The following MLN variants were observed in gnomAD, a reference collection of about 807,000 sequenced individuals.
The protein encoded by MLN is promotilin.
Under a neutral mutation model 13.3 loss-of-function variants are expected in MLN, and 14 were observed. That is an observed-to-expected ratio of 1.05 (90% CI 0.69 to 1.64). The LOEUF (loss-of-function observed/expected upper bound fraction) is 1.64, where lower values mean the gene tolerates loss of function less well. Among genes scored for constraint, MLN ranks in the 40% most tolerant of loss-of-function variants. The pLI, the probability that MLN is intolerant of heterozygous loss-of-function variation, is 0.00. For missense variants in MLN, 122 were observed against 142.9 expected, an observed-to-expected ratio of 0.85 and a Z score of 0.75; for synonymous variants, 59 against 54.7, an observed-to-expected ratio of 1.08 and a Z score of -0.34.
intron 3 of MLN, among the ~76,000 whole-genome samples, chr6:33,797,443 A>G (rs192066074): frequency 6.6e-6 from 1 of 152,294 alleles, no homozygotes; most frequent in African/African-American, 2.4e-5. Context: ...TGGATGCCCA[A>G]GAGCATCTCG....
chr6:33,800,212 A>T (rs368896887), intron 2 of MLN, among the ~76,000 whole-genome samples: 5 of 152,122 alleles, frequency 3.3e-5, no homozygotes, highest in African/African-American at 1.2e-4. Context: ...ATTCATCCCT[A>T]TTGGAGTCTC....
At chr6:33,801,400 C>A (rs1561935799) in intron 1 of MLN, among the ~76,000 whole-genome samples, 4 of 152,220 alleles carry the variant, frequency 2.6e-5, no homozygotes, top group Non-Finnish European at 5.9e-5. Context: ...TGGGAAAGGC[C>A]ATCCAGCTCC....
At chr6:33,800,293 C>T (rs900379171) in intron 2 of MLN, among the ~76,000 whole-genome samples, 39 of 152,216 alleles carry the variant, frequency 2.6e-4, no homozygotes, top group African/African-American at 8.2e-4. Context: ...CAAACATCTG[C>T]ATAGATACTC....
In MLN at chr6:33,799,102, C is replaced by T; in HGVS notation, c.234+3G>A. 1 of 1,593,524 alleles carries T rather than the reference C, an allele frequency of 6.3e-7. No homozygotes were observed. On this transcript the variant is annotated splice_donor_region_variant and intron_variant, in intron 3 of 4. Transcript: ENST00000430124. This position sits in a 1 kb window ranked among gnomAD's most constrained non-coding sequence, Gnocchi z 4.6. ...CTCTCCTTTGTCCCAGTTGTCTGCT[C>T]ACCTTGATCATTTCGTTTTCTTCTT... is the stretch of plus-strand genomic sequence containing the variant.
rs1561932858 is a variant in MLN at position 33,795,490 on chromosome 6, GC to G, written c.337+12del. 3 of 1,551,628 alleles carry G rather than the reference GC, an allele frequency of 1.9e-6. No individual in the cohort carries two copies. The highest frequency in any genetic ancestry group is 2.6e-6 in the Non-Finnish European group (3 of 1,145,742). On this transcript the variant is annotated intron_variant, in intron 4 of 4. Transcript: ENST00000430124. ...GGCCGGCCAAGCCACAGAGATGCCC[GC>G]CCTCCCCGTACCATGCTGGGGAAGC... is the stretch of plus-strand genomic sequence containing the variant.
intron 1 of MLN, among the ~76,000 whole-genome samples, chr6:33,801,577 C>T (rs894514580): frequency 2.6e-5 from 4 of 152,198 alleles, no homozygotes; most frequent in Non-Finnish European, 5.9e-5. Flanking sequence ...AGAGAGACCT[C>T]CCTGCCCCAG....
At chr6:33,795,959 C>CT (rs5875463) in intron 3 of MLN, among the ~76,000 whole-genome samples, 16,315 of 121,738 alleles carry the variant, frequency 0.13, 1,517 homozygotes, top group Middle Eastern at 0.23. Flanking sequence ...TTATTCTAAG[C>CT]TTTTTTTTTT....
At chr6:33,795,808 T>A (rs775723873) in intron 3 of MLN, among the ~76,000 whole-genome samples, 5 of 151,926 alleles carry the variant, frequency 3.3e-5, no homozygotes, top group Non-Finnish European at 5.9e-5. Flanking sequence ...TGAGTCCTGC[T>A]GAGGGGATCA....
Position 33,795,549 on chromosome 6 carries a change from G to T in MLN, c.291C>A (p.Tyr97Ter). ...TCAGCAGCCCTTCCAGGGTGGCCGG[G>T]TACTTTTCCAGCTGTCTGGAGTTCA... is the stretch of plus-strand genomic sequence containing the variant. ...MRMNSRQLEK[Y>*]PATLEGLLSE... The change falls in exon 4 of 5, where the codon TAC becomes TAA. Residue 97 changes from tyrosine (Y) to a stop codon, truncating the protein, a stop_gained. Transcript: ENST00000430124. LOFTEE classifies it low-confidence loss of function (END_TRUNC). 6.4e-7 allele frequency: 1 copy of T among 1,567,750 alleles called. No homozygotes were observed.
Position 33,795,623 on chromosome 6 carries a change from G to A in MLN, c.235-18C>T, listed in dbSNP as rs745821211. ...GCAGTCAGCTGTGAAATAAGGCAGC[G>A]TTAACAACGAGGGAGAGGTGGAGAG... On this transcript the variant is annotated intron_variant, in intron 3 of 4. Transcript: ENST00000430124. 1.5e-4 allele frequency: 235 copies of A among 1,549,440 alleles called. No homozygotes were observed. Among genetic ancestry groups the A allele is most frequent in the Non-Finnish European group, 2.0e-4 (227 of 1,144,618 alleles).
In MLN at chr6:33,803,056, A is replaced by G. The variant is rs1760881431; in HGVS notation, c.-8+897T>C. 6.6e-6 allele frequency among the ~76,000 whole-genome samples: 1 copy of G among 152,220 alleles called. No individual in the cohort carries two copies. The highest frequency in any genetic ancestry group is 2.4e-5 in the African/African-American group (1 of 41,458). On this transcript the variant is annotated intron_variant, in intron 1 of 4. Transcript: ENST00000430124. This position sits in a 1 kb window ranked among gnomAD's most constrained non-coding sequence, Gnocchi z 4.5. ...TTCTCATTTTCTTGATCCAACTGGCAGTCGGCATGTCACCTACGTTCATGT... is the reference window on the plus strand; with the variant it reads ...TTCTCATTTTCTTGATCCAACTGGCGGTCGGCATGTCACCTACGTTCATGT...
Position 33,795,582 on chromosome 6 carries a change from T to A in MLN, c.258A>T (p.Gly86=), listed in dbSNP as rs771046485. 8.3e-6 allele frequency: 13 copies of A among 1,560,314 alleles called. No individual in the cohort carries two copies. Among genetic ancestry groups the A allele is most frequent in the Non-Finnish European group, 1.1e-5 (13 of 1,150,974 alleles). ...MIKLTAPLEI[G]MRMNSRQLEK... The stretch of plus-strand genomic sequence containing the variant: ...CCAGCTGTCTGGAGTTCATCCTCAT[T>A]CCAATTTCCAGAGGAGCAGTCAGCT... Residue 86 remains glycine, a synonymous_variant, in exon 4 of 5, where the codon GGA becomes GGT. Transcript: ENST00000430124.
intron 3 of MLN, 85 bp from the exon 4 acceptor site, chr6:33,795,690 C>A: frequency 8.7e-7 from 1 of 1,145,184 alleles, no homozygotes; most frequent in Non-Finnish European, 1.3e-6. Flanking sequence ...CAGGAGGGAC[C>A]CTTGGGAGCC....
At chr6:33,795,734 G>A (rs1325470590) in intron 3 of MLN, 129 bp from the exon 4 acceptor site, 2 of 704,680 alleles carry the variant, frequency 2.8e-6, no homozygotes, top group Non-Finnish European at 4.9e-6. Context: ...GAGCCTCTAG[G>A]GATGGCTGGG....
At chr6:33,794,862 A>G (rs1767872030) in intron 4 of MLN, 27 bp from the exon 5 acceptor site, 2 of 1,613,364 alleles carry the variant, frequency 1.2e-6, no homozygotes, top group Non-Finnish European at 1.7e-6. Context: ...GTTTGCGCTC[A>G]GTACCATCAT....
rs958868488 is a variant in MLN at position 33,800,468 on chromosome 6, G to T, written c.117+579C>A. Among the ~76,000 whole-genome samples the T allele has an allele frequency of 1.2e-4, 19 of 152,148 alleles. 3 individuals are homozygous for T. The highest frequency in any genetic ancestry group is 1.5e-5 in the Non-Finnish European group (1 of 68,032). On this transcript the variant is annotated intron_variant, in intron 2 of 4. Coordinates refer to ENST00000430124, the MANE Select transcript of MLN (RefSeq NM_002418.3). The stretch of plus-strand genomic sequence containing the variant: ...TACATGGACCGCAGCCTTGTTTCCC[G>T]CCTCTGGGCGCTGGCTCCCATTGGT...
rs749141163 is a variant in MLN at position 33,799,059 on chromosome 6, A to G, written c.234+46T>C. On this transcript the variant is annotated intron_variant, in intron 3 of 4. Transcript: ENST00000430124. The surrounding 1 kb of genome is among the most constrained non-coding windows in gnomAD (Gnocchi z 4.6). Reference sequence around the variant, plus strand: ...GCCTCCAGGCCAGGCAGGGGAATGCATGCCCTGCTCTGAGTTTCTCTCCTT... The same window carrying G: ...GCCTCCAGGCCAGGCAGGGGAATGCGTGCCCTGCTCTGAGTTTCTCTCCTT... 57 of 1,365,298 alleles carry G rather than the reference A, an allele frequency of 4.2e-5. No individual in the cohort carries two copies. Among genetic ancestry groups the G allele is most frequent in the Non-Finnish European group, 5.2e-5 (50 of 961,728 alleles). 84.6% of individuals were successfully genotyped at this position (1,365,298 alleles called of 1,614,324 possible). A position where few individuals can be genotyped will look rare whatever the true frequency, so the allele number is the denominator to read the frequency against.
At chr6:33,798,063 C>G (rs1295423945) in intron 3 of MLN, among the ~76,000 whole-genome samples, 2 of 152,170 alleles carry the variant, frequency 1.3e-5, no homozygotes, top group African/African-American at 4.8e-5. Context: ...TCATGCCTTG[C>G]TCTCTTCTGG....
chr6:33,800,896 T>C, intron 2 of MLN, 151 bp downstream of exon 2: 2 of 666,044 alleles, frequency 3.0e-6, no homozygotes, highest in East Asian at 2.6e-5. Context: ...CATATCTGAG[T>C]GATGCCAGTG....
Sources: gnomAD v4.1 joint callset for allele counts (sites outside exome capture counted in the v4.1 genomes callset) on GRCh38, gnomAD v4.1.1 for gene constraint, Gnocchi (gnomAD v3.1) non-coding constraint, MANE v1.5 for transcripts, NCBI Gene and HGNC (gene_info 2026-07-23, HGNC 2026-07-21) for gene names.